SVEP1: variants seen among roughly 807,000 people sequenced by gnomAD.
The protein encoded by SVEP1 is sushi, von Willebrand factor type A, EGF and pentraxin domain-containing protein 1.
Under a neutral mutation model 367.3 loss-of-function variants are expected in SVEP1, and 164 were observed. That is an observed-to-expected ratio of 0.45 (90% CI 0.39 to 0.51). The LOEUF is 0.51. SVEP1 is among the 20% of genes least tolerant of loss of function. The pLI is 0.00. For synonymous variants in SVEP1, 1,666 were observed against 1,611.6 expected (o/e 1.03, Z -0.81); for missense variants, 4,117 against 4,425.3 (o/e 0.93, Z 1.98).
At chr9:110,548,061 A>G (rs1830241871) in intron 2 of SVEP1, among the ~76,000 whole-genome samples, 1 of 152,122 alleles carries the variant, frequency 6.6e-6, no homozygotes, top group Non-Finnish European at 1.5e-5. Context: ...TGTTGATAGC[A>G]CTCATAATTT....
chr9:110,424,536 CTAATTA>C (rs1169526074), intron 36 of SVEP1, among the ~76,000 whole-genome samples: 1 of 152,088 alleles, frequency 6.6e-6, no homozygotes, highest in Non-Finnish European at 1.5e-5. Context: ...AGAATGGCTT[CTAATTA>C]TATCTGTAAT....
chr9:110,533,104 C>G (rs952926808), intron 3 of SVEP1, among the ~76,000 whole-genome samples: 2 of 152,068 alleles, frequency 1.3e-5, no homozygotes, highest in Non-Finnish European at 2.9e-5. Flanking sequence ...GCTGATCTGA[C>G]AGGAGGCAGA....
At position 110,450,264 on chromosome 9, in the gene SVEP1, A is replaced by G. The variant is rs770657268; in HGVS notation, c.3902-4T>C. ...ACTTCTGTTTCACAATGCAGGCCTG[A>G]GGATGGAGAAGGAAGAGAAACAGCC... On this transcript the variant is annotated splice_region_variant and splice_polypyrimidine_tract_variant and intron_variant, in intron 23 of 47. Transcript: ENST00000374469. 6 of 1,613,338 alleles carry G rather than the reference A, an allele frequency of 3.7e-6. No individual in the cohort carries two copies. Among genetic ancestry groups the G allele is most frequent in the African/African-American group, 2.7e-5 (2 of 74,844 alleles).
chr9:110,548,940 T>C (rs1442005479), intron 2 of SVEP1, among the ~76,000 whole-genome samples: 1 of 152,178 alleles, frequency 6.6e-6, no homozygotes, highest in Non-Finnish European at 1.5e-5. Context: ...CTGAGCAACA[T>C]AGCGAGACAC....
chr9:110,556,229 A>C (rs536113239), intron 1 of SVEP1, among the ~76,000 whole-genome samples: 1 of 151,986 alleles, frequency 6.6e-6, no homozygotes, highest in South Asian at 2.1e-4. Context: ...TTGTTCTAAC[A>C]CCCGAGATCC....
intron 12 of SVEP1, among the ~76,000 whole-genome samples, chr9:110,480,960 T>C (rs969268269): frequency 1.3e-5 from 2 of 152,134 alleles, no homozygotes; most frequent in East Asian, 1.9e-4. Flanking sequence ...GGTTCAGAAT[T>C]ACATATTGTC....
intron 1 of SVEP1, among the ~76,000 whole-genome samples, chr9:110,575,490 C>A (rs890176946): frequency 3.3e-5 from 5 of 152,066 alleles, no homozygotes; most frequent in African/African-American, 9.7e-5. Context: ...GAGCGGAGAC[C>A]AGGTCCAACA....
chr9:110,457,596 C>T (rs1828795153), intron 20 of SVEP1, among the ~76,000 whole-genome samples: 1 of 152,166 alleles, frequency 6.6e-6, no homozygotes, highest in South Asian at 2.1e-4. Context: ...ATGTTGGCTG[C>T]ATGCTAGAAT....
chr9:110,413,102 T>A (rs12685547), intron 36 of SVEP1, among the ~76,000 whole-genome samples: 48,110 of 138,984 alleles, frequency 0.35, 6,404 homozygotes, highest in African/African-American at 0.46. Context: ...GTATGTTTAT[T>A]GCGGCACTAT....
chr9:110,532,927 C>A (rs1181239399), intron 3 of SVEP1, among the ~76,000 whole-genome samples: 1 of 152,136 alleles, frequency 6.6e-6, no homozygotes, highest in Non-Finnish European at 1.5e-5. Context: ...GGACTGGTTT[C>A]ATGGAAGATA....
intron 42 of SVEP1, among the ~76,000 whole-genome samples, chr9:110,386,308 C>A (rs1244327031): frequency 6.6e-6 from 1 of 152,180 alleles, no homozygotes; most frequent in Non-Finnish European, 1.5e-5. Flanking sequence ...ACCACTAATG[C>A]AAGGTCCTAA....
chr9:110,555,200 C>T (rs1406243647), intron 1 of SVEP1, among the ~76,000 whole-genome samples: 1 of 151,144 alleles, frequency 6.6e-6, no homozygotes, highest in Non-Finnish European at 1.5e-5. Flanking sequence ...GAGAATTTTC[C>T]TAGAAAGGAG....
chr9:110,403,297 T>TTTTTTTTTTTG lies in SVEP1; in HGVS notation c.9666+1029_9666+1030insCAAAAAAAAAA, dbSNP rs1564132062. ...GATGATTCCTTCCCCGCCACCGCCG[T>TTTTTTTTTTTG]TTTTTTTTTTTTTTTTTTTTTTTTT... On this transcript the variant is annotated intron_variant, in intron 39 of 47. Transcript: ENST00000374469. Among the ~76,000 whole-genome samples the TTTTTTTTTTTG allele has an allele frequency of 2.3e-4, 7 of 30,202 alleles. 1 individual carries two copies. The highest frequency in any genetic ancestry group is 6.0e-4 in the African/African-American group (6 of 10,072). The allele number at this position is 30,202 out of a possible 152,430, so 19.8% of individuals were successfully genotyped here. A position where few individuals can be genotyped will look rare whatever the true frequency, so the allele number is the denominator to read the frequency against.
chr9:110,515,100 C>T lies in SVEP1; in HGVS notation c.965-994G>A, dbSNP rs947399845. 2.0e-5 allele frequency among the ~76,000 whole-genome samples: 3 copies of T among 152,282 alleles called. No individual in the cohort carries two copies. In the South Asian group the frequency reaches 6.2e-4, roughly 32 times the overall value. On this transcript the variant is annotated intron_variant, in intron 3 of 47. Transcript: ENST00000374469. The stretch of plus-strand genomic sequence containing the variant: ...TCTTTCCTCTGCACAGACAATGTAG[C>T]TTTGAATTTGTAACTTAATCCCTCT...
At chr9:110,464,497 G>A (rs1421884886) in intron 18 of SVEP1, among the ~76,000 whole-genome samples, 1 of 152,136 alleles carries the variant, frequency 6.6e-6, no homozygotes, top group African/African-American at 2.4e-5. Context: ...TGCAATGCTG[G>A]AAACGCCCCT....
At chr9:110,536,165 A>G (rs1008795325) in intron 3 of SVEP1, among the ~76,000 whole-genome samples, 2 of 152,036 alleles carry the variant, frequency 1.3e-5, no homozygotes, top group Non-Finnish European at 2.9e-5. Context: ...ACATAAAGGA[A>G]TGTTGAATTT....
intron 36 of SVEP1, among the ~76,000 whole-genome samples, chr9:110,427,302 CAAAAAA>C (rs61616981): frequency 1.2e-5 from 1 of 81,936 alleles, no homozygotes; most frequent in African/African-American, 4.7e-5. Context: ...GACTCTGTCT[CAAAAAA>C]AAAAAAAAAA....
Position 110,407,728 on chromosome 9 carries a change from A to G in SVEP1, c.7872T>C (p.Cys2624=). The G allele has an allele frequency of 1.9e-6, 3 of 1,613,964 alleles. No homozygotes were observed. The highest frequency in any genetic ancestry group is 1.3e-5 in the African/African-American group (1 of 75,036). Residue 2624 remains cysteine, a synonymous_variant, in exon 38 of 48, where the codon TGT becomes TGC. Coordinates refer to ENST00000374469, the MANE Select transcript of SVEP1 (RefSeq NM_153366.4). The stretch of plus-strand genomic sequence containing the variant: ...ATCCCTGGTCATCTTTGAGTTTAGT[A>G]CAGTCTCCAAAATCTATATGAGGAG... ...GLPPHIDFGD[C]TKLKDDQGYF...
intron 40 of SVEP1, among the ~76,000 whole-genome samples, chr9:110,398,029 A>T (rs748079978): frequency 2.7e-5 from 3 of 109,924 alleles, no homozygotes; most frequent in Non-Finnish European, 4.3e-5. Flanking sequence ...GAGCTGCGTC[A>T]CCAAGTCAAT....
Sources: allele counts gnomAD v4.1 joint callset (sites outside exome capture counted in the v4.1 genomes callset), GRCh38; gene constraint gnomAD v4.1.1; transcripts MANE v1.5; gene names NCBI Gene and HGNC (gene_info 2026-07-23, HGNC 2026-07-21).